Variants in KIAA0319L observed in about 807,000 individuals in gnomAD.
The protein encoded by KIAA0319L is KIAA0319 like.
Under a neutral mutation model 120.1 loss-of-function variants are expected in KIAA0319L, and 55 were observed. That is an observed-to-expected ratio of 0.46 (90% confidence interval 0.37 to 0.57). The LOEUF (loss-of-function observed/expected upper bound fraction) is 0.57, where lower values mean the gene tolerates loss of function less well. KIAA0319L is among the 20% of genes least tolerant of loss of function. The pLI is 0.00. For missense variants in KIAA0319L, 1,049 were observed against 1,255.3 expected (o/e 0.84, Z 2.48); for synonymous variants, 398 against 471.9 (o/e 0.84, Z 2.03).
chr1:35,549,876 A>G (rs954818904), intron 2 of KIAA0319L, among the ~76,000 whole-genome samples: 2 of 152,228 alleles, frequency 1.3e-5, no homozygotes, highest in African/African-American at 4.8e-5. Flanking sequence ...TGCATCTACT[A>G]TGTGCCTTGG....
At chr1:35,510,591 T>C (rs1645394464) in intron 2 of KIAA0319L, 1 of 109,272 alleles carries the variant, frequency 9.2e-6, no homozygotes. Flanking sequence ...AAAACATTTA[T>C]TTATTTATTT....
intron 18 of KIAA0319L, among the ~76,000 whole-genome samples, chr1:35,442,588 A>G (rs1219113169): frequency 6.6e-6 from 1 of 152,176 alleles, no homozygotes; most frequent in African/African-American, 2.4e-5. Context: ...GAGCTTTAAG[A>G]GGGAAACGAG....
intron 5 of KIAA0319L, 71 bp from the exon 6 acceptor site, chr1:35,471,031 C>T: frequency 1.1e-6 from 1 of 870,000 alleles, no homozygotes; most frequent in South Asian, 1.3e-5. Flanking sequence ...ACATAGCCTG[C>T]CAATAACAAA....
intron 2 of KIAA0319L, chr1:35,533,448 A>G (rs1404497547): frequency 6.6e-6 from 1 of 152,268 alleles, no homozygotes; most frequent in African/African-American, 2.4e-5. Flanking sequence ...TTCGCTGCAG[A>G]AACAAATACA....
chr1:35,480,342 G>C (rs931219389), intron 3 of KIAA0319L, among the ~76,000 whole-genome samples: 3 of 152,152 alleles, frequency 2.0e-5, no homozygotes, highest in Admixed American at 2.0e-4. Flanking sequence ...AAGTAACAAG[G>C]TCGAGTTTCT....
intron 2 of KIAA0319L, among the ~76,000 whole-genome samples, chr1:35,542,559 G>C (rs1571016227): frequency 6.6e-6 from 1 of 152,306 alleles, no homozygotes; most frequent in African/African-American, 2.4e-5. Flanking sequence ...CAGAAAGAAA[G>C]TTCAAAAGGT....
chr1:35,484,796 ATATATATATATT>A lies in KIAA0319L; in HGVS notation c.667-5596_667-5585del, dbSNP rs1384541477. ...TATATATATATATATATATATATAT[ATATATATATATT>A]TTTTTTTTTATTATACTCTAAGTTT... On this transcript the variant is annotated intron_variant, in intron 3 of 20. Coordinates refer to ENST00000325722, the MANE Select transcript of KIAA0319L (RefSeq NM_024874.5). 4.7e-3 allele frequency among the ~76,000 whole-genome samples: 221 copies of A among 46,826 alleles called. 2 individuals are homozygous for A. Among genetic ancestry groups the A allele is most frequent in the African/African-American group, 0.015 (191 of 13,042 alleles). The allele number at this position is 46,826 out of a possible 152,430, so 30.7% of individuals were successfully genotyped here. A position where few individuals can be genotyped will look rare whatever the true frequency, so the allele number is the denominator to read the frequency against.
intron 1 of KIAA0319L, 74 bp downstream of exon 1, chr1:35,557,133 A>C (rs1462759266): frequency 6.4e-6 from 1 of 157,206 alleles, no homozygotes; most frequent in Non-Finnish European, 1.4e-5. Flanking sequence ...AGCCGCTGAC[A>C]TCGCCCGTCC....
At chr1:35,457,843 T>C (rs543239873) in intron 9 of KIAA0319L, among the ~76,000 whole-genome samples, 37 of 152,356 alleles carry the variant, frequency 2.4e-4, no homozygotes, top group African/African-American at 8.7e-4. Flanking sequence ...CACACAAACA[T>C]GTACCAATCA....
chr1:35,445,405 C>T (rs971225045), intron 16 of KIAA0319L, among the ~76,000 whole-genome samples: 2 of 152,206 alleles, frequency 1.3e-5, no homozygotes, highest in African/African-American at 2.4e-5. Flanking sequence ...GTTTCAATTT[C>T]GGTCTATATA....
chr1:35,540,772 A>G (rs1365378658), intron 2 of KIAA0319L, among the ~76,000 whole-genome samples: 1 of 152,154 alleles, frequency 6.6e-6, no homozygotes, highest in Admixed American at 6.5e-5. Context: ...TTGTCATGGC[A>G]TTACCTTGGG....
intron 4 of KIAA0319L, among the ~76,000 whole-genome samples, chr1:35,476,576 A>G (rs1482883840): frequency 2.0e-5 from 3 of 152,238 alleles, no homozygotes; most frequent in African/African-American, 7.2e-5. Context: ...AGGAGATGGA[A>G]TAAGAACTCT....
intron 20 of KIAA0319L, among the ~76,000 whole-genome samples, chr1:35,436,861 C>T (rs142294295): frequency 6.6e-6 from 1 of 152,162 alleles, no homozygotes; most frequent in Non-Finnish European, 1.5e-5. Flanking sequence ...CTCTTTCCCC[C>T]CAACGGACCC....
intron 2 of KIAA0319L, among the ~76,000 whole-genome samples, chr1:35,530,835 G>T (rs1305854378): frequency 6.6e-6 from 1 of 151,964 alleles, no homozygotes; most frequent in African/African-American, 2.4e-5. Context: ...CGATTTCTTC[G>T]GCAACGAACA....
intron 2 of KIAA0319L, among the ~76,000 whole-genome samples, chr1:35,526,372 CATATATATATACATACAT>C (rs1233754697): frequency 2.3e-5 from 3 of 128,230 alleles, no homozygotes; most frequent in East Asian, 2.3e-4. Flanking sequence ...TATATACATA[CATATATATATACATACAT>C]ATATATATAT....
chr1:35,440,478 G>A (rs763512541), intron 20 of KIAA0319L: 99 of 153,364 alleles, frequency 6.5e-4, no homozygotes, highest in Non-Finnish European at 2.0e-4. Flanking sequence ...CCAGCCCAGC[G>A]GAGGAAGGAA....
At chr1:35,521,040 G>C (rs1207786426) in intron 2 of KIAA0319L, among the ~76,000 whole-genome samples, 1 of 152,148 alleles carries the variant, frequency 6.6e-6, no homozygotes, top group Admixed American at 6.6e-5. Flanking sequence ...GTTGATAACT[G>C]GTTAAATAAA....
At chr1:35,470,087 C>CA (rs1482421967) in intron 6 of KIAA0319L, among the ~76,000 whole-genome samples, 2 of 152,012 alleles carry the variant, frequency 1.3e-5, no homozygotes, top group African/African-American at 4.8e-5. Context: ...AGTCTCTTCT[C>CA]AAACTCGTGG....
At chr1:35,518,807 C>G (rs1043958785) in intron 2 of KIAA0319L, among the ~76,000 whole-genome samples, 4 of 151,962 alleles carry the variant, frequency 2.6e-5, no homozygotes, top group African/African-American at 4.8e-5. Flanking sequence ...AGTTTGAGAC[C>G]AGCCTAGCCA....
Sources: gnomAD v4.1 joint callset for allele counts (sites outside exome capture counted in the v4.1 genomes callset) on GRCh38, gnomAD v4.1.1 for gene constraint, MANE v1.5 for transcripts, NCBI Gene and HGNC (gene_info 2026-07-23, HGNC 2026-07-21) for gene names.